Variants in OCIAD1 observed in about 807,000 individuals in gnomAD.
The protein encoded by OCIAD1 is OCIA domain containing 1.
In OCIAD1, 29 loss-of-function variants were observed where a neutral mutation model predicts 38.9. The observed-to-expected ratio is 0.74, with a 90% CI of 0.55 to 1.02. The LOEUF (loss-of-function observed/expected upper bound fraction) is 1.02. Among genes scored for constraint, OCIAD1 ranks in the 50% least tolerant of loss-of-function variants. The probability of loss-of-function intolerance (pLI) is 0.00; values close to 1 mark genes in which losing one functional copy is unlikely to be tolerated. For missense variants in OCIAD1, 288 were observed against 289.6 expected (o/e 0.99, Z 0.04); for synonymous variants, 110 against 92.0 (o/e 1.20, Z -1.12).
intron 1 of OCIAD1, among the ~76,000 whole-genome samples, chr4:48,807,760 C>T (rs1298672932): frequency 1.3e-5 from 2 of 152,116 alleles, no homozygotes; most frequent in Non-Finnish European, 2.9e-5. Flanking sequence ...TGGGGAGGGG[C>T]TCCAGAGAAT....
chr4:48,833,080 G>A lies in OCIAD1; in HGVS notation c.59-321G>A, dbSNP rs538676432. 1.5e-3 allele frequency among the ~76,000 whole-genome samples: 229 copies of A among 152,118 alleles called. 1 individual carries two copies. Among genetic ancestry groups the A allele is most frequent in the African/African-American group, 5.3e-3 (221 of 41,508 alleles). On this transcript the variant is annotated intron_variant, in intron 2 of 8. Transcript: ENST00000264312. Reference sequence around the variant, plus strand: ...AGCCTGGCTAACATGGTGAAACCCCGTATCTACTAAAATACAAAAAATTAG... The same window carrying A: ...AGCCTGGCTAACATGGTGAAACCCCATATCTACTAAAATACAAAAAATTAG...
chr4:48,828,847 T>C (rs1415762907), upstream of OCIAD1, among the ~76,000 whole-genome samples: 1 of 152,180 alleles, frequency 6.6e-6, no homozygotes, highest in African/African-American at 2.4e-5. Flanking sequence ...TTGAAGTCAG[T>C]GAGACCAAGA....
intron 3 of OCIAD1, among the ~76,000 whole-genome samples, chr4:48,835,828 C>CCAA (rs1011539139): frequency 3.3e-5 from 5 of 152,056 alleles, no homozygotes; most frequent in South Asian, 2.1e-4. Flanking sequence ...CCCTAATCCC[C>CCAA]CAACAACAAC....
intron 1 of OCIAD1, chr4:48,805,420 G>C (rs761380451): frequency 2.0e-5 from 3 of 152,156 alleles, no homozygotes; most frequent in Non-Finnish European, 2.9e-5. Context: ...ATGTTGTTTT[G>C]AGCTGCTAAA....
chr4:48,825,528 G>C (rs1168136247), intron 1 of OCIAD1, among the ~76,000 whole-genome samples: 3 of 152,090 alleles, frequency 2.0e-5, no homozygotes, highest in Admixed American at 2.0e-4. Context: ...TCACTTTTGG[G>C]GTACATAGGA....
At chr4:48,849,853 T>G (rs1049998654) in intron 5 of OCIAD1, 94 bp from the exon 6 acceptor site, 3 of 1,018,168 alleles carry the variant, frequency 2.9e-6, no homozygotes, top group African/African-American at 1.6e-5. Context: ...AAGACTTATT[T>G]AGAATCACAC....
chr4:48,826,329 G>T (rs1238056591), upstream of OCIAD1, among the ~76,000 whole-genome samples: 1 of 152,006 alleles, frequency 6.6e-6, no homozygotes, highest in Non-Finnish European at 1.5e-5. Flanking sequence ...ACAGGCCCCA[G>T]TGTGTGATGT....
chr4:48,856,129 A>G (rs547859747), intron 7 of OCIAD1: 2 of 152,040 alleles, frequency 1.3e-5, no homozygotes, highest in Admixed American at 1.3e-4. Flanking sequence ...AAATTGTATA[A>G]ACTATGTTCA....
At chr4:48,830,242 G>A (rs189899331), upstream of OCIAD1, among the ~76,000 whole-genome samples, 56 of 152,254 alleles carry the variant, frequency 3.7e-4, 1 homozygote, top group Admixed American at 3.1e-3. Flanking sequence ...CGTTGGATTC[G>A]TTTCACGTGA....
intron 1 of OCIAD1, among the ~76,000 whole-genome samples, chr4:48,816,196 A>G (rs1180692428): frequency 8.5e-5 from 13 of 152,232 alleles, no homozygotes; most frequent in Admixed American, 8.5e-4. Context: ...CTGTTTAGAC[A>G]TTCTATGCCA....
chr4:48,860,736 A>T lies in OCIAD1; in HGVS notation c.712A>T (p.Lys238Ter). The change falls in exon 9 of 9, where the codon AAG (lysine) becomes TAG (stop). Residue 238 changes from lysine (K) to a stop codon, truncating the protein, a stop_gained. Coordinates refer to ENST00000264312, the MANE Select transcript of OCIAD1 (RefSeq NM_017830.4). LOFTEE classifies it high-confidence loss of function. The stretch of plus-strand genomic sequence containing the variant: ...TGCTTTTTTCCTAGTCAAAGTAAAC[A>T]AGTATGGAGATACTTGGGATGAGTG... ...RVPKKEVKVN[K>*]YGDTWDE The T allele has an allele frequency of 6.2e-7, 1 of 1,602,586 alleles. No homozygotes were observed. Among genetic ancestry groups the T allele is most frequent in the Non-Finnish European group, 8.5e-7 (1 of 1,170,408 alleles).
At chr4:48,833,349 C>A in intron 2 of OCIAD1, 52 bp from the exon 3 acceptor site, 1 of 1,075,818 alleles carries the variant, frequency 9.3e-7, no homozygotes, top group Non-Finnish European at 1.4e-6. Context: ...ATTTTTCAGA[C>A]CTAGTTTTAT....
intron 4 of OCIAD1, among the ~76,000 whole-genome samples, chr4:48,847,609 G>A (rs1398995646): frequency 6.6e-6 from 1 of 152,162 alleles, no homozygotes; most frequent in East Asian, 1.9e-4. Context: ...ATTTTCCCCT[G>A]TTAATGGATA....
At chr4:48,836,947 T>G (rs577505783) in intron 3 of OCIAD1, among the ~76,000 whole-genome samples, 9 of 152,332 alleles carry the variant, frequency 5.9e-5, no homozygotes, top group African/African-American at 2.2e-4. Flanking sequence ...CTATAAAATT[T>G]TCATGGCTCA....
At chr4:48,832,479 G>C in intron 1 of OCIAD1, 141 bp from the exon 2 acceptor site, 1 of 645,456 alleles carries the variant, frequency 1.5e-6, no homozygotes, top group Middle Eastern at 4.4e-4. Flanking sequence ...TGTGGAGTAC[G>C]TAAGATATAG....
At position 48,857,209 on chromosome 4, in the gene OCIAD1, T is replaced by G; in HGVS notation, c.548-4T>G. The G allele has an allele frequency of 6.6e-7, 1 of 1,524,290 alleles. No individual in the cohort carries two copies. Among genetic ancestry groups the G allele is most frequent in the Non-Finnish European group, 8.8e-7 (1 of 1,137,316 alleles). The allele number at this position is 1,524,290 out of a possible 1,614,324, so 94.4% of individuals were successfully genotyped here. On this transcript the variant is annotated splice_polypyrimidine_tract_variant and splice_region_variant and intron_variant, in intron 7 of 8. Coordinates refer to ENST00000264312, the MANE Select transcript of OCIAD1 (RefSeq NM_017830.4). Reference sequence around the variant, plus strand: ...TACCATTTATTAACTGTTTGTTGTTTTAGGACCTGATCCCAACCTTGAAGA... The same window carrying G: ...TACCATTTATTAACTGTTTGTTGTTGTAGGACCTGATCCCAACCTTGAAGA...
intron 3 of OCIAD1, among the ~76,000 whole-genome samples, chr4:48,840,509 T>C (rs1419119058): frequency 6.6e-6 from 1 of 152,160 alleles, no homozygotes; most frequent in Admixed American, 6.5e-5. Context: ...TTTGTGCAAT[T>C]TGTGTGTGAT....
intron 1 of OCIAD1, among the ~76,000 whole-genome samples, chr4:48,812,232 G>A (rs1358706933): frequency 1.8e-4 from 20 of 113,438 alleles, no homozygotes; most frequent in African/African-American, 6.3e-4. Context: ...GCAGTGAGCC[G>A]AAATCATGCC....
intron 3 of OCIAD1, among the ~76,000 whole-genome samples, chr4:48,840,675 A>G (rs1321997198): frequency 6.6e-6 from 1 of 152,186 alleles, no homozygotes; most frequent in African/African-American, 2.4e-5. Context: ...TTTTGTATGC[A>G]TGAGCTAAGA....
Sources: allele counts gnomAD v4.1 joint callset (sites outside exome capture counted in the v4.1 genomes callset), GRCh38; gene constraint gnomAD v4.1.1; transcripts MANE v1.5; gene names NCBI Gene and HGNC (gene_info 2026-07-23, HGNC 2026-07-21).